The following PATJ variants were observed in gnomAD, a reference collection of about 807,000 sequenced individuals.
The protein encoded by PATJ is inaD-like protein.
A neutral mutation model predicts 224.9 loss-of-function variants in PATJ; 190 were observed. That is an observed-to-expected ratio of 0.84 (90% CI 0.75 to 0.95). The LOEUF (loss-of-function observed/expected upper bound fraction) is 0.95. Among genes scored for constraint, PATJ ranks in the 40% least tolerant of loss-of-function variants. The pLI, the probability that PATJ is intolerant of heterozygous loss-of-function variation, is 0.00. For synonymous variants in PATJ, 769 were observed against 820.3 expected (o/e 0.94, Z 1.07); for missense variants, 2,121 against 2,270.3 (o/e 0.93, Z 1.34).
intron 22 of PATJ, among the ~76,000 whole-genome samples, chr1:61,886,040 T>C (rs934702479): frequency 5.3e-5 from 6 of 113,278 alleles, no homozygotes; most frequent in African/African-American, 2.0e-4. Context: ...GGTGGGGGGA[T>C]GGGGGAGTGA....
At chr1:61,981,321 A>G (rs1644437047) in intron 27 of PATJ, among the ~76,000 whole-genome samples, 1 of 151,968 alleles carries the variant, frequency 6.6e-6, no homozygotes, top group Admixed American at 6.5e-5. Context: ...ACCTTACCCC[A>G]GAAAACCTGG....
At chr1:61,955,098 A>G (rs982485300) in intron 27 of PATJ, among the ~76,000 whole-genome samples, 2 of 152,114 alleles carry the variant, frequency 1.3e-5, no homozygotes, top group African/African-American at 2.4e-5. Context: ...AGGAATTCAT[A>G]TTGCACATTT....
At chr1:61,831,843 G>A (rs1659383085) in intron 16 of PATJ, among the ~76,000 whole-genome samples, 1 of 152,080 alleles carries the variant, frequency 6.6e-6, no homozygotes. Context: ...ATACCCAGAG[G>A]AATATAAATT....
intron 24 of PATJ, among the ~76,000 whole-genome samples, chr1:61,901,726 G>T (rs561360284): frequency 6.6e-6 from 1 of 152,280 alleles, no homozygotes; most frequent in South Asian, 2.1e-4. Flanking sequence ...ATAGAACAGG[G>T]CAGATGGTAG....
chr1:62,126,738 T>C (rs1271723116), intron 39 of PATJ, among the ~76,000 whole-genome samples: 9 of 152,232 alleles, frequency 5.9e-5, no homozygotes. Context: ...CAGAAGAGCA[T>C]AGTATGTGTG....
At chr1:62,090,829 A>G (rs1016713039) in intron 33 of PATJ, among the ~76,000 whole-genome samples, 9 of 152,252 alleles carry the variant, frequency 5.9e-5, no homozygotes, top group African/African-American at 1.9e-4. Context: ...CTCCTCCCTG[A>G]TGTCCTTCAA....
rs113778567 is a variant in PATJ at position 61,965,036 on chromosome 1, C to G, written c.3671-25132C>G. ...CTGAGGTGAGAGAATTGCTTGAACC[C>G]GAAAGGTGGAGGCTGCAGTGACGTG... is the stretch of plus-strand genomic sequence containing the variant. On this transcript the variant is annotated intron_variant, in intron 27 of 43. Transcript: ENST00000642238. Among the ~76,000 whole-genome samples the G allele has an allele frequency of 4.2e-5, 6 of 142,210 alleles. No homozygotes were observed. The South Asian group carries it at 1.4e-3, about 32-fold the overall frequency. The allele number at this position is 142,210 out of a possible 152,430, so 93.3% of individuals were successfully genotyped here.
chr1:61,884,084 G>C (rs1668470227), intron 21 of PATJ, among the ~76,000 whole-genome samples, 153 bp from the exon 22 acceptor site: 1 of 151,928 alleles, frequency 6.6e-6, no homozygotes, highest in East Asian at 1.9e-4. Flanking sequence ...ATCATCATCT[G>C]ATATATTAAA....
chr1:62,006,714 G>C (rs1646115945), intron 28 of PATJ, among the ~76,000 whole-genome samples: 1 of 151,722 alleles, frequency 6.6e-6, no homozygotes, highest in Non-Finnish European at 1.5e-5. Flanking sequence ...CCCCACTACA[G>C]TAGTTGAAAC....
At chr1:62,153,232 A>AAAC in intron 42 of PATJ, 126 bp from the exon 43 acceptor site, 1 of 631,452 alleles carries the variant, frequency 1.6e-6, no homozygotes. Context: ...TGAGAGTTTG[A>AAAC]TCTGATAAAC....
chr1:61,823,088 T>C lies in PATJ; in HGVS notation c.1818+9T>C. 1 of 1,613,656 alleles carries C rather than the reference T, an allele frequency of 6.2e-7. No homozygotes were observed. On this transcript the variant is annotated intron_variant, in intron 15 of 43. Transcript: ENST00000642238. ...AAGATGAGCTGCTTGAGGTAAAATT[T>C]ATGGGGAAAGAAAGACACAGGCAAG...
rs772376745 is a variant in PATJ at position 62,114,278 on chromosome 1, C to T, written c.4655+32C>T. On this transcript the variant is annotated intron_variant, in intron 35 of 43. Transcript: ENST00000642238. ...ACGTGCTGTGGGAGTTGGGATCTGC[C>T]TTTTTCATCCAGAGCTCTGATGCCT... The T allele has an allele frequency of 3.8e-6, 6 of 1,591,070 alleles. No individual in the cohort carries two copies. The Admixed American group carries it at 8.5e-5, about 23-fold the overall frequency.
At chr1:61,845,123 A>G (rs2799628) in intron 17 of PATJ, among the ~76,000 whole-genome samples, 139,726 of 152,156 alleles carry the variant, frequency 0.92, 64,510 homozygotes, top group East Asian at 0.98. Flanking sequence ...TATTCCTTAT[A>G]GATAAGGGGG....
chr1:61,977,250 G>C (rs1489414751), intron 27 of PATJ, among the ~76,000 whole-genome samples: 3 of 152,028 alleles, frequency 2.0e-5, no homozygotes, highest in Non-Finnish European at 4.4e-5. Context: ...ACCACACCCA[G>C]CTAATTTTTT....
rs1366194932 is a variant in PATJ, at chr1:61,864,486, G to T, written c.2688G>T (p.Glu896Asp). ...TGTATCCCTTGTCGCACATTCAAGA[G>T]GCCACTCCTGTGCCCTCTGTGAATG... ...MELYPLSHIQ[E>D]ATPVPSVNEL... is the part of the protein sequence containing the mutation. The change falls in exon 20 of 44, where the codon GAG becomes GAT. Residue 896 changes from glutamate to aspartate, a missense_variant. Glu to Asp is a conservative substitution (Grantham distance 45). Coordinates refer to ENST00000642238, the MANE Select transcript of PATJ (RefSeq NM_001350145.3). 6.2e-7 allele frequency: 1 copy of T among 1,614,008 alleles called. No individual in the cohort carries two copies.
intron 26 of PATJ, among the ~76,000 whole-genome samples, chr1:61,919,031 G>T (rs1272383600): frequency 6.6e-6 from 1 of 151,720 alleles, no homozygotes; most frequent in Non-Finnish European, 1.5e-5. Context: ...AAATAAAATT[G>T]GTAATTATTT....
At chr1:61,812,518 G>A (rs1484073669) in intron 14 of PATJ, among the ~76,000 whole-genome samples, 3 of 151,244 alleles carry the variant, frequency 2.0e-5, no homozygotes, top group East Asian at 2.0e-4. Flanking sequence ...GTACAGTTCT[G>A]TAAGAGTCAG....
At chr1:61,776,786 C>T (rs960471587) in intron 7 of PATJ, among the ~76,000 whole-genome samples, 4 of 150,408 alleles carry the variant, frequency 2.7e-5, no homozygotes, top group African/African-American at 4.9e-5. Flanking sequence ...AGGGCAGTGG[C>T]GTGATCTTGG....
At chr1:62,152,626 G>C (rs1000021387) in intron 42 of PATJ, among the ~76,000 whole-genome samples, 2 of 151,932 alleles carry the variant, frequency 1.3e-5, no homozygotes, top group Non-Finnish European at 2.9e-5. Context: ...ACTCCAGCCT[G>C]GGTGACAGAG....
Sources: gnomAD v4.1 joint callset for allele counts (sites outside exome capture counted in the v4.1 genomes callset) on GRCh38, gnomAD v4.1.1 for gene constraint, MANE v1.5 for transcripts, NCBI Gene and HGNC (gene_info 2026-07-23, HGNC 2026-07-21) for gene names.